The following PTN variants were observed in gnomAD, a reference collection of about 807,000 sequenced individuals.
The protein encoded by PTN is heparin affin regulatory protein.
In PTN, 18 loss-of-function variants were observed where a neutral mutation model predicts 24.1. That is an observed-to-expected ratio of 0.75 (90% CI 0.52 to 1.11). The LOEUF is 1.11. Ranked by LOEUF, PTN falls within the 50% of genes least tolerant of loss-of-function variation. The pLI, the probability that PTN is intolerant of heterozygous loss-of-function variation, is 0.00. For synonymous variants in PTN, 78 were observed against 68.6 expected (o/e 1.14, Z -0.67); for missense variants, 163 against 198.8 (o/e 0.82, Z 1.08).
intron 4 of PTN, among the ~76,000 whole-genome samples, chr7:137,242,449 G>A (rs1005872154): frequency 1.3e-5 from 2 of 152,198 alleles, no homozygotes; most frequent in Non-Finnish European, 2.9e-5. Context: ...CTCACCTGTA[G>A]CATAGACATC....
intron 1 of PTN, among the ~76,000 whole-genome samples, chr7:137,309,590 AC>A (rs1186028405): frequency 6.6e-6 from 1 of 152,052 alleles, no homozygotes; most frequent in Non-Finnish European, 1.5e-5. Flanking sequence ...CTGCTTTATC[AC>A]CTAGGTTTAT....
At chr7:137,235,949 T>TC (rs925148842) in intron 4 of PTN, among the ~76,000 whole-genome samples, 4 of 152,070 alleles carry the variant, frequency 2.6e-5, no homozygotes, top group East Asian at 3.9e-4. Context: ...ACCTGTTTTG[T>TC]CCCCCCCACT....
intron 1 of PTN, among the ~76,000 whole-genome samples, chr7:137,321,990 T>C (rs1224523349): frequency 6.6e-6 from 1 of 152,200 alleles, no homozygotes; most frequent in Non-Finnish European, 1.5e-5. Flanking sequence ...AAACTGTTAT[T>C]TTATCTCAGC....
At chr7:137,274,118 A>G (rs1809320727) in intron 1 of PTN, among the ~76,000 whole-genome samples, 1 of 152,050 alleles carries the variant, frequency 6.6e-6, no homozygotes, top group African/African-American at 2.4e-5. Flanking sequence ...TGGTGTTTCC[A>G]CAAGGAAGCA....
chr7:137,252,797 G>C (rs1174413101), intron 3 of PTN, among the ~76,000 whole-genome samples: 1 of 151,282 alleles, frequency 6.6e-6, no homozygotes, highest in Non-Finnish European at 1.5e-5. Flanking sequence ...ATATAAAGTT[G>C]AAAGTGTTGA....
At chr7:137,274,064 CTTA>C (rs1233205078) in intron 1 of PTN, among the ~76,000 whole-genome samples, 1 of 151,872 alleles carries the variant, frequency 6.6e-6, no homozygotes, top group Non-Finnish European at 1.5e-5. Flanking sequence ...CAAATAGCCT[CTTA>C]TTTTCTTATT....
intron 1 of PTN, among the ~76,000 whole-genome samples, chr7:137,311,248 A>G (rs1419311941): frequency 6.6e-6 from 1 of 151,922 alleles, no homozygotes; most frequent in East Asian, 1.9e-4. Context: ...AAAAAAAAAA[A>G]AAGAATTGAA....
chr7:137,239,071 GAC>G (rs1808573493), intron 4 of PTN, among the ~76,000 whole-genome samples: 1 of 152,188 alleles, frequency 6.6e-6, no homozygotes, highest in Admixed American at 6.6e-5. Flanking sequence ...GATGAAAGCA[GAC>G]ACACAGTTTG....
At chr7:137,265,739 T>G (rs1585019979) in intron 1 of PTN, among the ~76,000 whole-genome samples, 1 of 152,244 alleles carries the variant, frequency 6.6e-6, no homozygotes, top group Non-Finnish European at 1.5e-5. Flanking sequence ...GCCTGCCATG[T>G]GCACAAGCAT....
intron 1 of PTN, among the ~76,000 whole-genome samples, chr7:137,327,516 A>G (rs1440687534): frequency 6.6e-6 from 1 of 151,894 alleles, no homozygotes; most frequent in East Asian, 1.9e-4. Flanking sequence ...ACACAATGCC[A>G]CCCTGCCTTT....
intron 1 of PTN, among the ~76,000 whole-genome samples, chr7:137,269,227 CTCT>C (rs1352062336): frequency 2.0e-5 from 3 of 152,226 alleles, no homozygotes; most frequent in Admixed American, 6.5e-5. Flanking sequence ...ACGTTCTGTT[CTCT>C]TCTTACTTTT....
intron 1 of PTN, among the ~76,000 whole-genome samples, chr7:137,323,432 T>C (rs1204837126): frequency 6.6e-6 from 1 of 152,208 alleles, no homozygotes; most frequent in East Asian, 1.9e-4. Context: ...TTTACTATGG[T>C]AAAGTGAAGA....
intron 1 of PTN, among the ~76,000 whole-genome samples, chr7:137,342,985 A>T (rs1241043961): frequency 1.3e-5 from 2 of 152,150 alleles, no homozygotes; most frequent in Non-Finnish European, 2.9e-5. Flanking sequence ...TCATGGGCTG[A>T]CAGGCTCTGG....
Position 137,341,628 on chromosome 7 carries a change from C to A in PTN, c.-2+1811G>T, listed in dbSNP as rs576912911. ...AAGCTCTAGCTTTGAGAACATAATG[C>A]ATTTGCATCCAGAAGCAAACAGCTG... On this transcript the variant is annotated intron_variant, in intron 1 of 4. Coordinates refer to ENST00000348225, the MANE Select transcript of PTN (RefSeq NM_002825.7). 2.6e-5 allele frequency among the ~76,000 whole-genome samples: 4 copies of A among 152,178 alleles called. No homozygotes were observed. The South Asian group carries it at 8.3e-4, about 32-fold the overall frequency.
At chr7:137,275,633 G>T (rs72611540) in intron 1 of PTN, among the ~76,000 whole-genome samples, 14,736 of 152,018 alleles carry the variant, frequency 0.097, 931 homozygotes, top group South Asian at 0.29. Context: ...TCAACTTTTG[G>T]CAGTAAATCT....
chr7:137,302,715 T>A (rs1563217729), intron 1 of PTN, among the ~76,000 whole-genome samples: 6 of 152,018 alleles, frequency 3.9e-5, no homozygotes, highest in Admixed American at 3.9e-4. Context: ...CATCTTATAC[T>A]TACCTGCTGC....
At chr7:137,302,433 C>A (rs903018532) in intron 1 of PTN, among the ~76,000 whole-genome samples, 1 of 151,746 alleles carries the variant, frequency 6.6e-6, no homozygotes, top group Non-Finnish European at 1.5e-5. Context: ...AGCAATCAGC[C>A]AAAATTCAAT....
At chr7:137,343,169 C>G (rs538160979) in intron 1 of PTN, among the ~76,000 whole-genome samples, 1 of 152,224 alleles carries the variant, frequency 6.6e-6, no homozygotes, top group African/African-American at 2.4e-5. Context: ...GTAGCTGGAA[C>G]ACGGTCCAAA....
At chr7:137,275,362 A>G (rs769755557) in intron 1 of PTN, among the ~76,000 whole-genome samples, 8 of 152,336 alleles carry the variant, frequency 5.3e-5, no homozygotes, top group Admixed American at 1.3e-4. Context: ...CTGAAGCCCC[A>G]GAATTATCAT....
Sources: allele counts gnomAD v4.1 joint callset (sites outside exome capture counted in the v4.1 genomes callset), GRCh38; gene constraint gnomAD v4.1.1; transcripts MANE v1.5; gene names NCBI Gene and HGNC (gene_info 2026-07-23, HGNC 2026-07-21).